FOXP2: variants seen among roughly 807,000 people sequenced by gnomAD.
The protein encoded by FOXP2 is forkhead box protein P2.
A neutral mutation model predicts 115.8 loss-of-function variants in FOXP2; 12 were observed. That is an observed-to-expected ratio of 0.10 (90% CI 0.07 to 0.17). FOXP2 has a LOEUF of 0.17. Ranked by LOEUF, FOXP2 falls within the 10% of genes least tolerant of loss-of-function variation. The pLI, the probability that FOXP2 is intolerant of heterozygous loss-of-function variation, is 1.00. For synonymous variants in FOXP2, 328 were observed against 297.7 expected (o/e 1.10, Z -1.05); for missense variants, 629 against 843.5 (o/e 0.75, Z 3.15).
rs1808170706 is a variant in FOXP2, at chr7:114,682,916, A to G, written c.2004-6866A>G. 2.6e-5 allele frequency among the ~76,000 whole-genome samples: 4 copies of G among 152,122 alleles called. No homozygotes were observed. The South Asian group carries it at 8.3e-4, about 31-fold the overall frequency. On this transcript the variant is annotated intron_variant, in intron 16 of 16. Transcript: ENST00000350908. ...GGCATAGGTACTGTAACTTTCAAGCAATTTTATTTTCTGGAATGTTGAAAC... is the reference window on the plus strand; with the variant it reads ...GGCATAGGTACTGTAACTTTCAAGCGATTTTATTTTCTGGAATGTTGAAAC...
At chr7:114,617,162 C>T (rs1803995187) in intron 3 of FOXP2, among the ~76,000 whole-genome samples, 1 of 152,060 alleles carries the variant, frequency 6.6e-6, no homozygotes, top group South Asian at 2.1e-4. Flanking sequence ...TCTACAGGAC[C>T]CTTAAATTTA....
intron 16 of FOXP2, among the ~76,000 whole-genome samples, chr7:114,672,223 A>T (rs1807526188): frequency 6.6e-6 from 1 of 152,212 alleles, no homozygotes; most frequent in Non-Finnish European, 1.5e-5. Flanking sequence ...GCAACATTAA[A>T]TCTGAGGTTC....
chr7:114,393,224 A>T (rs1792651200), intron 2 of FOXP2, among the ~76,000 whole-genome samples: 2 of 152,110 alleles, frequency 1.3e-5, no homozygotes, highest in Admixed American at 1.3e-4. Flanking sequence ...AAGTATGTTT[A>T]AGAAACTTTC....
At chr7:114,673,150 C>A (rs979555785) in intron 16 of FOXP2, among the ~76,000 whole-genome samples, 1 of 152,194 alleles carries the variant, frequency 6.6e-6, no homozygotes, top group Non-Finnish European at 1.5e-5. Flanking sequence ...AGCAACAAGA[C>A]TGACTTAAAG....
chr7:114,612,221 G>A (rs958880465), intron 3 of FOXP2, among the ~76,000 whole-genome samples: 7 of 151,998 alleles, frequency 4.6e-5, no homozygotes, highest in Non-Finnish European at 8.8e-5. Flanking sequence ...AGACTGGAGG[G>A]GAAGAGATTT....
intron 3 of FOXP2, among the ~76,000 whole-genome samples, chr7:114,610,699 G>A (rs2129317872): frequency 6.6e-6 from 1 of 151,744 alleles, no homozygotes; most frequent in South Asian, 2.1e-4. Flanking sequence ...TTTTGAGGTA[G>A]AGTCTTGTTC....
chr7:114,178,905 T>G (rs1210780174), intron 1 of FOXP2, among the ~76,000 whole-genome samples: 2 of 151,934 alleles, frequency 1.3e-5, no homozygotes, highest in African/African-American at 2.4e-5. Context: ...CTCTTTTTCT[T>G]TATGAACGTC....
chr7:114,465,475 C>G (rs1004819991), intron 2 of FOXP2, among the ~76,000 whole-genome samples: 2 of 152,014 alleles, frequency 1.3e-5, no homozygotes, highest in Non-Finnish European at 2.9e-5. Flanking sequence ...TTATTTGATT[C>G]TAGGGGATAA....
chr7:114,371,896 T>C (rs1161738887), intron 2 of FOXP2, among the ~76,000 whole-genome samples: 2 of 152,148 alleles, frequency 1.3e-5, no homozygotes, highest in Non-Finnish European at 1.5e-5. Flanking sequence ...ATGAAGAAAA[T>C]AGAAATCAAT....
intron 1 of FOXP2, among the ~76,000 whole-genome samples, chr7:114,271,728 T>G (rs1257534742): frequency 1.7e-5 from 2 of 117,820 alleles, no homozygotes; most frequent in Non-Finnish European, 3.2e-5. Flanking sequence ...ATGTATTAAA[T>G]ATATATTAAA....
intron 13 of FOXP2, among the ~76,000 whole-genome samples, chr7:114,659,925 C>T (rs1806778814): frequency 6.6e-6 from 1 of 152,178 alleles, no homozygotes; most frequent in South Asian, 2.1e-4. Flanking sequence ...ACACTAATTA[C>T]AGTGTGAGCA....
At chr7:114,199,481 C>G (rs1310499879) in intron 1 of FOXP2, among the ~76,000 whole-genome samples, 1 of 152,072 alleles carries the variant, frequency 6.6e-6, no homozygotes, top group Non-Finnish European at 1.5e-5. Context: ...AATTCAACTA[C>G]CTGTCAACAA....
At position 114,643,313 on chromosome 7, in the gene FOXP2, A is replaced by C. The variant is rs375102843; in HGVS notation, c.989+690A>C. On this transcript the variant is annotated intron_variant, in intron 7 of 16. Transcript: ENST00000350908. ...CAGTTCTTTAATTTCAAATAATTAA[A>C]GATGCATGGATATCTCTCTTATATG... Among the ~76,000 whole-genome samples the C allele has an allele frequency of 5.3e-5, 8 of 152,312 alleles. 1 individual carries two copies. The East Asian group carries it at 1.2e-3, about 22-fold the overall frequency.
intron 1 of FOXP2, among the ~76,000 whole-genome samples, chr7:114,139,304 A>G (rs1792137228): frequency 6.6e-6 from 1 of 152,172 alleles, no homozygotes; most frequent in Non-Finnish European, 1.5e-5. Flanking sequence ...TTACCGAGTT[A>G]TTCTTGGACT....
At chr7:114,165,101 G>A (rs996403037) in intron 1 of FOXP2, among the ~76,000 whole-genome samples, 1 of 152,110 alleles carries the variant, frequency 6.6e-6, no homozygotes, top group African/African-American at 2.4e-5. Context: ...GGAGGTTCCA[G>A]AATTTTCTGG....
intron 2 of FOXP2, among the ~76,000 whole-genome samples, chr7:114,337,503 G>T (rs576427835): frequency 1.9e-4 from 29 of 151,086 alleles, no homozygotes; most frequent in African/African-American, 6.8e-4. Flanking sequence ...AAAATAATAT[G>T]TATTATAACT....
chr7:114,592,521 C>A (rs1169461093), intron 3 of FOXP2, among the ~76,000 whole-genome samples: 2 of 151,884 alleles, frequency 1.3e-5, no homozygotes, highest in African/African-American at 2.4e-5. Flanking sequence ...TTCTATTGAA[C>A]CTATCATGTT....
At chr7:114,516,750 C>A (rs1798364867) in intron 2 of FOXP2, among the ~76,000 whole-genome samples, 1 of 151,760 alleles carries the variant, frequency 6.6e-6, no homozygotes, top group South Asian at 2.1e-4. Flanking sequence ...GGCTGGAATG[C>A]AGTGGCGCAA....
At position 114,631,527 on chromosome 7, in the gene FOXP2, G is replaced by C. The variant is rs752704782; in HGVS notation, c.598-1G>C. ...TACTGGTTTGGGTTTTCTGATACCAGCAGCAGCAGCAGCAGCAGCAGCAAC... is the reference window on the plus strand; with the variant it reads ...TACTGGTTTGGGTTTTCTGATACCACCAGCAGCAGCAGCAGCAGCAGCAAC... On this transcript the variant is annotated splice_acceptor_variant, in intron 5 of 16. Transcript: ENST00000350908. LOFTEE classifies it high-confidence loss of function. The C allele has an allele frequency of 4.5e-4, 614 of 1,349,464 alleles. No individual in the cohort carries two copies. The highest frequency in any genetic ancestry group is 5.9e-4 in the Non-Finnish European group (596 of 1,016,796). The allele number at this position is 1,349,464 out of a possible 1,614,324, so 83.6% of individuals were successfully genotyped here.
Sources: gnomAD v4.1 joint callset for allele counts (sites outside exome capture counted in the v4.1 genomes callset) on GRCh38, gnomAD v4.1.1 for gene constraint, MANE v1.5 for transcripts, NCBI Gene and HGNC (gene_info 2026-07-23, HGNC 2026-07-21) for gene names.